PSMA5: variants seen among roughly 807,000 people sequenced by gnomAD.
PSMA5 encodes proteasome subunit alpha type-5.
PSMA5 carries 3 observed loss-of-function variants against 34.5 expected under a neutral mutation model. The observed-to-expected ratio is 0.09, with a 90% CI of 0.04 to 0.22. PSMA5 has a LOEUF of 0.22. Among genes scored for constraint, PSMA5 ranks in the 10% least tolerant of loss-of-function variants. The pLI is 1.00. For synonymous variants in PSMA5, 88 were observed against 95.8 expected (o/e 0.92, Z 0.47); for missense variants, 120 against 286.1 (o/e 0.42, Z 4.19).
At chr1:109,417,240 A>G (rs550057008) in intron 2 of PSMA5, among the ~76,000 whole-genome samples, 33 of 152,358 alleles carry the variant, frequency 2.2e-4, no homozygotes, top group Non-Finnish European at 4.0e-4. Flanking sequence ...TAAATCCACT[A>G]TAACAGAGAG....
chr1:109,402,937 T>A (rs1653597235), intron 8 of PSMA5, among the ~76,000 whole-genome samples: 2 of 152,176 alleles, frequency 1.3e-5, no homozygotes, highest in South Asian at 4.1e-4. Context: ...ACTCCCAACC[T>A]CAGGTGATCT....
At chr1:109,409,889 A>C (rs946429346) in intron 8 of PSMA5, 39 bp downstream of exon 8, 1 of 1,498,738 alleles carries the variant, frequency 6.7e-7, no homozygotes, top group Non-Finnish European at 9.2e-7. Context: ...TCTCTTAAAA[A>C]AAAAACCGAA....
chr1:109,416,034 C>A (rs1654180133), intron 2 of PSMA5, among the ~76,000 whole-genome samples: 1 of 152,128 alleles, frequency 6.6e-6, no homozygotes, highest in African/African-American at 2.4e-5. Context: ...CTCCTCTATG[C>A]CCATTTCCTG....
intron 2 of PSMA5, among the ~76,000 whole-genome samples, chr1:109,416,668 ATAT>A (rs1237317905): frequency 6.6e-6 from 1 of 152,202 alleles, no homozygotes; most frequent in Non-Finnish European, 1.5e-5. Flanking sequence ...ACACGCATAT[ATAT>A]TATTTTTCAA....
intron 4 of PSMA5, 136 bp downstream of exon 4, chr1:109,412,932 G>C: frequency 1.4e-6 from 1 of 695,606 alleles, no homozygotes; most frequent in Non-Finnish European, 2.4e-6. Context: ...TTCTAACTGG[G>C]AATTCTACCC....
intron 8 of PSMA5, among the ~76,000 whole-genome samples, chr1:109,403,035 A>G (rs1390344308): frequency 6.6e-6 from 1 of 152,192 alleles, no homozygotes; most frequent in Non-Finnish European, 1.5e-5. Context: ...ACTGGCCAAG[A>G]AAAGATTTCA....
At chr1:109,419,085 G>A (rs1041202246) in intron 2 of PSMA5, among the ~76,000 whole-genome samples, 52 of 151,990 alleles carry the variant, frequency 3.4e-4, no homozygotes, top group Admixed American at 1.2e-3. Flanking sequence ...CACGGGAGGC[G>A]GAGGTTGCAG....
intron 8 of PSMA5, among the ~76,000 whole-genome samples, chr1:109,403,908 C>T (rs1475459220): frequency 6.6e-6 from 1 of 152,128 alleles, no homozygotes; most frequent in Non-Finnish European, 1.5e-5. Context: ...AGATATATCT[C>T]TAATTACATG....
At chr1:109,411,239 G>A (rs1337395111) in intron 6 of PSMA5, 126 bp from the exon 7 acceptor site, 6 of 627,564 alleles carry the variant, frequency 9.6e-6, no homozygotes, top group African/African-American at 3.7e-5. Context: ...GAAATATTGA[G>A]GCACAGATCT....
At chr1:109,419,343 C>T (rs7551176) in intron 2 of PSMA5, among the ~76,000 whole-genome samples, 106,204 of 151,976 alleles carry the variant, frequency 0.7, 37,663 homozygotes, top group East Asian at 0.96. Flanking sequence ...CCAGTCCAGA[C>T]TGGAGCAGAT....
chr1:109,419,808 A>AC (rs1159596697), intron 2 of PSMA5, among the ~76,000 whole-genome samples: 2 of 89,952 alleles, frequency 2.2e-5, no homozygotes, highest in East Asian at 7.5e-4. Flanking sequence ...CAAAAAAAAA[A>AC]AAAAAAAAAA....
At chr1:109,426,162 G>A (rs1654648409) in intron 1 of PSMA5, 140 bp downstream of exon 1, 4 of 1,162,756 alleles carry the variant, frequency 3.4e-6, no homozygotes, top group Non-Finnish European at 3.8e-6. Context: ...GCGGGCGCCT[G>A]AGGAGGGCAT....
chr1:109,416,873 G>C (rs1654222348), intron 2 of PSMA5, among the ~76,000 whole-genome samples: 1 of 152,206 alleles, frequency 6.6e-6, no homozygotes, highest in Non-Finnish European at 1.5e-5. Context: ...GGGAGGCTGA[G>C]GTGGGCAGAT....
intron 8 of PSMA5, among the ~76,000 whole-genome samples, chr1:109,404,231 G>C (rs546725251): frequency 1.3e-5 from 2 of 152,210 alleles, no homozygotes; most frequent in African/African-American, 4.8e-5. Context: ...AGAATTGCTC[G>C]AACATGGGAT....
intron 8 of PSMA5, among the ~76,000 whole-genome samples, chr1:109,407,669 C>T (rs964132324): frequency 7.2e-5 from 11 of 152,052 alleles, no homozygotes; most frequent in African/African-American, 2.4e-4. Context: ...GACAGAGTTT[C>T]GTGCTGTTGC....
At chr1:109,411,629 A>AT (rs1317102466) in intron 6 of PSMA5, among the ~76,000 whole-genome samples, 6 of 151,926 alleles carry the variant, frequency 3.9e-5, no homozygotes, top group Non-Finnish European at 2.9e-5. Context: ...TTTTTAATGT[A>AT]TTTTTTAAAG....
intron 1 of PSMA5, among the ~76,000 whole-genome samples, chr1:109,424,272 C>A (rs1351773083): frequency 6.6e-6 from 1 of 152,074 alleles, no homozygotes; most frequent in Non-Finnish European, 1.5e-5. Flanking sequence ...TTCTGACTCA[C>A]ACTATAGTTA....
At chr1:109,418,838 G>A (rs1489815417) in intron 2 of PSMA5, among the ~76,000 whole-genome samples, 1 of 152,140 alleles carries the variant, frequency 6.6e-6, no homozygotes, top group Non-Finnish European at 1.5e-5. Flanking sequence ...AAGAAGAAAA[G>A]AAACAAAAGA....
intron 8 of PSMA5, among the ~76,000 whole-genome samples, chr1:109,408,289 A>G (rs968967210): frequency 3.9e-5 from 6 of 152,038 alleles, no homozygotes; most frequent in African/African-American, 1.5e-4. Flanking sequence ...TTTACCCACA[A>G]TATTATTTTT....
Sources: gnomAD v4.1 joint callset for allele counts (sites outside exome capture counted in the v4.1 genomes callset) on GRCh38, gnomAD v4.1.1 for gene constraint, MANE v1.5 for transcripts, NCBI Gene and HGNC (gene_info 2026-07-23, HGNC 2026-07-21) for gene names.